Variants in RNF19B observed in about 807,000 individuals in gnomAD.
RNF19B encodes the protein E3 ubiquitin-protein ligase RNF19B.
In RNF19B, 23 loss-of-function variants were observed where a neutral mutation model predicts 65.5. That is an observed-to-expected ratio of 0.35 (90% CI 0.25 to 0.50). The LOEUF (loss-of-function observed/expected upper bound fraction) is 0.50, where lower values mean the gene tolerates loss of function less well. Ranked by LOEUF, RNF19B falls within the 20% of genes least tolerant of loss-of-function variation. The pLI is 0.98. For missense variants in RNF19B, 794 were observed against 980.0 expected, an observed-to-expected ratio of 0.81 and a Z score of 2.53; for synonymous variants, 372 against 379.6, an observed-to-expected ratio of 0.98 and a Z score of 0.23.
chr1:32,933,752 G>T (rs1197042259), downstream of RNF19B, among the ~76,000 whole-genome samples: 1 of 151,980 alleles, frequency 6.6e-6, no homozygotes, highest in African/African-American at 2.4e-5. Context: ...TCCTGCAGGA[G>T]GAAAAAACAT....
rs756970603 is a variant in RNF19B at position 32,948,328 on chromosome 1, T to G, written c.877A>C (p.Ile293Leu). 1.9e-6 allele frequency: 3 copies of G among 1,614,100 alleles called. No individual in the cohort carries two copies. The South Asian group carries it at 3.3e-5, about 18-fold the overall frequency. Residue 293 changes from isoleucine (I) to leucine (L), a missense_variant, in exon 3 of 9, where the codon ATT (isoleucine) becomes CTT (leucine). This residue lies in a region of RNF19B where 374 missense variants were observed against 423.8 expected (regional missense o/e 0.88). Coordinates refer to ENST00000235150, the MANE Select transcript of RNF19B (RefSeq NM_001300826.2). ...IKPCPRCSAY[I>L]IKMNDGSCNH... is the part of the protein sequence containing the mutation. ...CAGCTTCCATCATTCATCTTGATAATGTATGCACTGCATCGTGGGCATGGC... is the reference window on the plus strand; with the variant it reads ...CAGCTTCCATCATTCATCTTGATAAGGTATGCACTGCATCGTGGGCATGGC...
At chr1:32,945,740 C>T (rs1642351720) in intron 4 of RNF19B, 112 bp from the exon 5 acceptor site, 1 of 570,802 alleles carries the variant, frequency 1.8e-6, no homozygotes, top group Non-Finnish European at 3.2e-6. Flanking sequence ...TAAAACATAT[C>T]CTCTACCCCA....
At chr1:32,960,211 T>C (rs1222270891) in intron 1 of RNF19B, among the ~76,000 whole-genome samples, 6 of 141,250 alleles carry the variant, frequency 4.2e-5, no homozygotes, top group Non-Finnish European at 9.9e-5. Context: ...TCTGAATGTA[T>C]GGTGTTCTTG....
chr1:32,935,434 C>T (rs543201881), downstream of RNF19B, among the ~76,000 whole-genome samples: 295 of 152,132 alleles, frequency 1.9e-3, no homozygotes, highest in African/African-American at 6.7e-3. Flanking sequence ...CCACTGTGCC[C>T]GGCCAGGACA....
chr1:32,952,433 A>T (rs1215025576), intron 1 of RNF19B, among the ~76,000 whole-genome samples: 3 of 64,582 alleles, frequency 4.6e-5, no homozygotes, highest in South Asian at 4.7e-4. Context: ...TTCTCTTAAA[A>T]AAAAAAAAAA....
intron 1 of RNF19B, among the ~76,000 whole-genome samples, chr1:32,961,342 T>G (rs141448612): frequency 1.3e-5 from 2 of 152,312 alleles, no homozygotes; most frequent in East Asian, 3.9e-4. Flanking sequence ...TGCGGCTATG[T>G]TGACAAGCAA....
intron 3 of RNF19B, among the ~76,000 whole-genome samples, 200 bp downstream of exon 3, chr1:32,948,022 T>G (rs1642408118): frequency 2.6e-5 from 4 of 152,136 alleles, no homozygotes; most frequent in Admixed American, 2.6e-4. Flanking sequence ...AAGTCCAGAC[T>G]ACCTGTAATA....
chr1:32,950,094 C>T (rs1018178347), intron 1 of RNF19B, among the ~76,000 whole-genome samples: 2 of 152,122 alleles, frequency 1.3e-5, no homozygotes, highest in East Asian at 1.9e-4. Context: ...CACAGACTCC[C>T]TAGTAGCTGG....
chr1:32,936,921 C>A lies in RNF19B; in HGVS notation c.2081G>T (p.Cys694Phe). 1 of 1,613,940 alleles carries A rather than the reference C, an allele frequency of 6.2e-7. No homozygotes were observed. Among genetic ancestry groups the A allele is most frequent in the Non-Finnish European group, 8.5e-7 (1 of 1,179,980 alleles). The part of the protein sequence containing the change: ...CGSPRSHTAA[C>F]PSTPRAQGAP... The stretch of plus-strand genomic sequence containing the variant: ...ACCTTGGGCTCTGGGGGTCGAGGGG[C>A]AGGCTGCAGTATGGGAGCGGGGGGA... The change falls in exon 9 of 9, where the codon TGC (cysteine) becomes TTC (phenylalanine). Residue 694 changes from cysteine to phenylalanine, a missense_variant. Transcript: ENST00000235150.
intron 6 of RNF19B, among the ~76,000 whole-genome samples, chr1:32,943,754 G>A (rs1642296125): frequency 6.6e-6 from 1 of 152,146 alleles, no homozygotes. Flanking sequence ...ATATAAAGAT[G>A]TTATTATAAT....
chr1:32,958,499 G>A (rs1211136803), intron 1 of RNF19B, among the ~76,000 whole-genome samples: 2 of 152,138 alleles, frequency 1.3e-5, no homozygotes, highest in African/African-American at 2.4e-5. Context: ...GGTGGATCAC[G>A]AGGTCAGGAG....
At chr1:32,954,103 G>T (rs1039233306) in intron 1 of RNF19B, among the ~76,000 whole-genome samples, 2 of 150,826 alleles carry the variant, frequency 1.3e-5, no homozygotes, top group African/African-American at 4.9e-5. Context: ...TAGAGATGGG[G>T]TTTCACCATG....
At chr1:32,929,994 G>A in the RNF19B span, among the ~76,000 whole-genome samples, 6 of 152,162 alleles carry the variant, frequency 3.9e-5, no homozygotes, top group African/African-American at 7.2e-5. Flanking sequence ...CTTGTTTAAA[G>A]TACTTTTCAA....
chr1:32,963,948 T>G (rs1205746349), intron 1 of RNF19B, 103 bp downstream of exon 1: 10 of 1,350,040 alleles, frequency 7.4e-6, no homozygotes, highest in Non-Finnish European at 9.5e-6. Flanking sequence ...GCTGCCGCCT[T>G]GCGGGTTTCC....
At chr1:32,952,450 A>AC (rs1642527772) in intron 1 of RNF19B, among the ~76,000 whole-genome samples, 2 of 148,912 alleles carry the variant, frequency 1.3e-5, no homozygotes, top group Non-Finnish European at 3.0e-5. Context: ...AAAAAAAAAA[A>AC]AAAAAAAAAC....
downstream of RNF19B, among the ~76,000 whole-genome samples, chr1:32,935,874 A>G (rs1642088407): frequency 6.6e-6 from 1 of 152,044 alleles, no homozygotes; most frequent in Admixed American, 6.6e-5. Context: ...CAGCCCCCTG[A>G]GTAGCTGGGA....
Position 32,964,318 on chromosome 1 carries a change from A to G in RNF19B, c.368T>C (p.Leu123Pro). The G allele has an allele frequency of 6.6e-7, 1 of 1,509,376 alleles. No individual in the cohort carries two copies. The highest frequency in any genetic ancestry group is 8.8e-7 in the Non-Finnish European group (1 of 1,135,108). The allele number at this position is 1,509,376 out of a possible 1,614,324, so 93.5% of individuals were successfully genotyped here. Residue 123 changes from leucine (L) to proline (P), a missense_variant, in exon 1 of 9, where the codon CTG becomes CCG. Coordinates refer to ENST00000235150, the MANE Select transcript of RNF19B (RefSeq NM_001300826.2). This position sits in a 1 kb window ranked among gnomAD's most constrained non-coding sequence, Gnocchi z 6.5. Reference sequence around the variant, plus strand: ...GGCCCGCTCAGGCGGCAGCCGCACCAGGCACAGCGGACACTCCACCTCCTC... The same window carrying G: ...GGCCCGCTCAGGCGGCAGCCGCACCGGGCACAGCGGACACTCCACCTCCTC... ...GAEEVECPLC[L>P]VRLPPERAPR...
At chr1:32,935,939 T>C (rs12407045), downstream of RNF19B, among the ~76,000 whole-genome samples, 10,211 of 151,872 alleles carry the variant, frequency 0.067, 497 homozygotes, top group Admixed American at 0.14. Flanking sequence ...AATAGAGGCG[T>C]GGTTTCACCA....
chr1:32,942,392 A>G lies in RNF19B; in HGVS notation c.1470T>C (p.Ser490=). ...IGESSIEGLT[S]VLSTSGSPTD... ...TAGGGCTTCCACTAGTGCTCAATACACTAGTCAGGCCTTCAATGCTGCTTT... is the reference window on the plus strand; with the variant it reads ...TAGGGCTTCCACTAGTGCTCAATACGCTAGTCAGGCCTTCAATGCTGCTTT... The change falls in exon 7 of 9, where the codon AGT becomes AGC. Residue 490 remains serine, a synonymous_variant. Transcript: ENST00000235150. 1 of 1,614,178 alleles carries G rather than the reference A, an allele frequency of 6.2e-7. No individual in the cohort carries two copies. The highest frequency in any genetic ancestry group is 8.5e-7 in the Non-Finnish European group (1 of 1,180,010).
Sources: allele counts gnomAD v4.1 joint callset (sites outside exome capture counted in the v4.1 genomes callset), GRCh38; gene constraint gnomAD v4.1.1; regional missense constraint gnomAD v4.1.1; non-coding constraint Gnocchi (gnomAD v3.1); transcripts MANE v1.5; gene names NCBI Gene and HGNC (gene_info 2026-07-23, HGNC 2026-07-21).